The following AKT3 variants were observed in gnomAD, a reference collection of about 807,000 sequenced individuals.
The protein encoded by AKT3 is AKT serine/threonine kinase 3.
AKT3 carries 15 observed loss-of-function variants against 65.3 expected under a neutral mutation model. The ratio of observed to expected loss-of-function variants is 0.23; its 90% CI spans 0.15 to 0.35. AKT3 has a LOEUF of 0.35. Ranked by LOEUF, AKT3 falls within the 10% of genes least tolerant of loss-of-function variation. AKT3 has a pLI of 1.00. For missense variants in AKT3, 243 were observed against 576.5 expected (o/e 0.42, Z 5.92); for synonymous variants, 206 against 183.8 (o/e 1.12, Z -0.98).
At position 243,557,143 on chromosome 1, in the gene AKT3, A is replaced by G. The variant is rs564109827; in HGVS notation, c.949-4200T>C. On this transcript the variant is annotated intron_variant, in intron 10 of 13. Transcript: ENST00000673466. Reference sequence around the variant, plus strand: ...AAGAGAAAGGCTAAATGGATACAATAATGATGATTAGATCATACTTACACA... The same window carrying G: ...AAGAGAAAGGCTAAATGGATACAATGATGATGATTAGATCATACTTACACA... 3.3e-5 allele frequency among the ~76,000 whole-genome samples: 5 copies of G among 152,264 alleles called. No individual in the cohort carries two copies. In the East Asian group the frequency reaches 7.7e-4, roughly 23 times the overall value.
intron 8 of AKT3, among the ~76,000 whole-genome samples, chr1:243,613,206 T>C (rs192134613): frequency 4.1e-4 from 61 of 150,288 alleles, no homozygotes; most frequent in African/African-American, 1.2e-3. Flanking sequence ...CACACATATA[T>C]ATATATATAG....
chr1:243,754,522 C>A (rs1313282412), intron 2 of AKT3, among the ~76,000 whole-genome samples: 2 of 152,056 alleles, frequency 1.3e-5, no homozygotes, highest in Non-Finnish European at 2.9e-5. Flanking sequence ...ACCCCTGGGC[C>A]GCGGATGGTG....
At chr1:243,493,619 A>C (rs1192490802) in intron 13 of AKT3, among the ~76,000 whole-genome samples, 1 of 151,984 alleles carries the variant, frequency 6.6e-6, no homozygotes, top group Non-Finnish European at 1.5e-5. Flanking sequence ...TGAATCACTT[A>C]CAGTTTAGAA....
chr1:243,700,541 G>A (rs1326255310), intron 2 of AKT3, among the ~76,000 whole-genome samples: 1 of 137,830 alleles, frequency 7.3e-6, no homozygotes, highest in East Asian at 2.1e-4. Context: ...GTCTTGCTCT[G>A]TCACCAGGCT....
chr1:243,772,350 A>G (rs1397167086), intron 2 of AKT3, among the ~76,000 whole-genome samples: 1 of 152,220 alleles, frequency 6.6e-6, no homozygotes, highest in Admixed American at 6.5e-5. Context: ...CAAGAAAAAA[A>G]CAACCCCATC....
chr1:243,560,110 C>T (rs1179123468), intron 10 of AKT3, among the ~76,000 whole-genome samples: 3 of 152,090 alleles, frequency 2.0e-5, no homozygotes, highest in African/African-American at 7.2e-5. Flanking sequence ...TTCCTGCTTC[C>T]CCTTTTCCAC....
intron 3 of AKT3, among the ~76,000 whole-genome samples, chr1:243,692,692 C>T (rs1171117413): frequency 1.3e-5 from 2 of 151,770 alleles, no homozygotes; most frequent in African/African-American, 4.8e-5. Context: ...GAGCCAAGAT[C>T]ATGCCATTGC....
At chr1:243,543,222 G>C (rs960252768) in intron 12 of AKT3, among the ~76,000 whole-genome samples, 1 of 152,144 alleles carries the variant, frequency 6.6e-6, no homozygotes, top group African/African-American at 2.4e-5. Flanking sequence ...GTGGAGCTGA[G>C]ATAGGACAGG....
rs573089970 is a variant in AKT3 at position 243,668,705 on chromosome 1, G to T, written c.173-3822C>A. On this transcript the variant is annotated intron_variant, in intron 3 of 13. Transcript: ENST00000673466. ...ATTCAGCTGCATGTGTACAGGTGAG[G>T]AACATAGAGTAATGAATTTAAGCAA... is the stretch of plus-strand genomic sequence containing the variant. 3.8e-4 allele frequency among the ~76,000 whole-genome samples: 58 copies of T among 152,250 alleles called. 1 individual carries two copies. The highest frequency in any genetic ancestry group is 1.3e-3 in the African/African-American group (54 of 41,544).
chr1:243,571,178 G>A lies in AKT3; in HGVS notation c.819+1748C>T, dbSNP rs562340184. On this transcript the variant is annotated intron_variant, in intron 9 of 13. Coordinates refer to ENST00000673466, the MANE Select transcript of AKT3 (RefSeq NM_005465.7). ...CTAAAAATACAAAAATTAGCTGGGC[G>A]TGGTGGCACATGCCTGTAATCCCAG... Among the ~76,000 whole-genome samples the A allele has an allele frequency of 7.6e-4, 115 of 152,176 alleles. No individual in the cohort carries two copies. The Middle Eastern group carries it at 0.01, about 14-fold the overall frequency.
chr1:243,579,299 C>T (rs544067521), intron 8 of AKT3, among the ~76,000 whole-genome samples: 2 of 151,960 alleles, frequency 1.3e-5, no homozygotes, highest in African/African-American at 2.4e-5. Flanking sequence ...ATTGTTAAGA[C>T]TGAGAAAGCA....
intron 1 of AKT3, among the ~76,000 whole-genome samples, chr1:243,849,644 G>C (rs1334644711): frequency 1.3e-5 from 2 of 151,310 alleles, no homozygotes; most frequent in Non-Finnish European, 3.0e-5. Context: ...ACGCCGCGCG[G>C]CCCGGGCGGG....
chr1:243,592,942 A>G (rs1016449985), intron 8 of AKT3, among the ~76,000 whole-genome samples: 1 of 152,224 alleles, frequency 6.6e-6, no homozygotes, highest in Non-Finnish European at 1.5e-5. Context: ...AGGAGGAAAT[A>G]AAAGTATACC....
chr1:243,524,022 C>T (rs1670889609), intron 12 of AKT3, among the ~76,000 whole-genome samples: 1 of 152,190 alleles, frequency 6.6e-6, no homozygotes, highest in South Asian at 2.1e-4. Flanking sequence ...ACCTACAACA[C>T]ACCTAGGCCA....
chr1:243,717,085 C>G (rs1444694767), intron 2 of AKT3, among the ~76,000 whole-genome samples: 1 of 152,210 alleles, frequency 6.6e-6, no homozygotes, highest in Non-Finnish European at 1.5e-5. Context: ...ATCTTCCACA[C>G]TCTACCCACC....
chr1:243,513,167 A>G (rs1360381473), intron 12 of AKT3, among the ~76,000 whole-genome samples: 3 of 152,046 alleles, frequency 2.0e-5, no homozygotes, highest in Non-Finnish European at 4.4e-5. Context: ...GGGCTACTGG[A>G]GGTTTCAGGA....
intron 3 of AKT3, among the ~76,000 whole-genome samples, chr1:243,679,720 G>C (rs1683786698): frequency 6.6e-6 from 1 of 152,094 alleles, no homozygotes; most frequent in Non-Finnish European, 1.5e-5. Flanking sequence ...TCTAATATCA[G>C]AATTTATTCA....
intron 4 of AKT3, among the ~76,000 whole-genome samples, chr1:243,663,458 G>A (rs1682534848): frequency 6.7e-6 from 1 of 148,358 alleles, no homozygotes; most frequent in Non-Finnish European, 1.5e-5. Context: ...TGCGGGGAGG[G>A]AGGCAGTGCA....
intron 2 of AKT3, among the ~76,000 whole-genome samples, chr1:243,817,113 C>T (rs556197750): frequency 1.3e-5 from 2 of 152,130 alleles, no homozygotes; most frequent in Non-Finnish European, 2.9e-5. Context: ...CTGAGGCACT[C>T]TGAGCCAACA....
Sources: allele counts gnomAD v4.1 joint callset (sites outside exome capture counted in the v4.1 genomes callset), GRCh38; gene constraint gnomAD v4.1.1; transcripts MANE v1.5; gene names NCBI Gene and HGNC (gene_info 2026-07-23, HGNC 2026-07-21).